The following SRPK2 variants were observed in gnomAD, a reference collection of about 807,000 sequenced individuals.
The protein encoded by SRPK2 is SRSF protein kinase 2, also known as SFRS protein kinase 2.
Under a neutral mutation model 90.8 loss-of-function variants are expected in SRPK2, and 21 were observed. The observed-to-expected ratio is 0.23, with a 90% CI of 0.16 to 0.33. SRPK2 has a LOEUF of 0.33. SRPK2 is among the 10% of genes least tolerant of loss of function. SRPK2 has a pLI of 1.00. For synonymous variants in SRPK2, 288 were observed against 311.1 expected (o/e 0.93, Z 0.78); for missense variants, 620 against 869.0 (o/e 0.71, Z 3.60).
chr7:105,134,669 A>G (rs1362007751), intron 11 of SRPK2, among the ~76,000 whole-genome samples: 1 of 152,200 alleles, frequency 6.6e-6, no homozygotes, highest in African/African-American at 2.4e-5. Flanking sequence ...AAGCCCCATA[A>G]GAGGAAGGAG....
chr7:105,389,344 T>G, upstream of SRPK2: 1 of 1,277,828 alleles, frequency 7.8e-7, no homozygotes, highest in South Asian at 1.3e-5. Flanking sequence ...TCTCTCCCTT[T>G]GCTCCTCTAC....
chr7:105,235,543 A>G (rs1192109721), intron 2 of SRPK2, among the ~76,000 whole-genome samples: 1 of 152,172 alleles, frequency 6.6e-6, no homozygotes, highest in Non-Finnish European at 1.5e-5. Flanking sequence ...CAAGTCAAAA[A>G]TAACTACTCA....
rs144171851 is a variant in SRPK2, at chr7:105,212,053, T to C, written c.72-8268A>G. Among the ~76,000 whole-genome samples the C allele has an allele frequency of 3.5e-3, 526 of 152,344 alleles. 8 individuals are homozygous for C. Among genetic ancestry groups the C allele is most frequent in the African/African-American group, 0.011 (461 of 41,584 alleles). ...TTTCTTGCTTTTATCCTTCCCATTT[T>C]ACACATTAATTCCATATATTCTTTG... On this transcript the variant is annotated intron_variant, in intron 2 of 15. Transcript: ENST00000393651.
At chr7:105,190,787 T>C (rs938941298) in intron 3 of SRPK2, among the ~76,000 whole-genome samples, 2 of 152,244 alleles carry the variant, frequency 1.3e-5, no homozygotes, top group African/African-American at 4.8e-5. Flanking sequence ...TTGCTGATAC[T>C]TCTGATTCTC....
intron 3 of SRPK2, among the ~76,000 whole-genome samples, chr7:105,172,747 T>C (rs893363936): frequency 6.6e-6 from 1 of 152,198 alleles, no homozygotes; most frequent in Non-Finnish European, 1.5e-5. Flanking sequence ...TTTTAATAAC[T>C]AGAGGACTGC....
intron 2 of SRPK2, among the ~76,000 whole-genome samples, chr7:105,270,574 A>AT (rs1480247868): frequency 6.6e-6 from 1 of 151,750 alleles, no homozygotes; most frequent in Non-Finnish European, 1.5e-5. Context: ...TACCCAGCTA[A>AT]TTTTTTGTCT....
intron 2 of SRPK2, among the ~76,000 whole-genome samples, chr7:105,212,443 A>G (rs968750409): frequency 1.3e-5 from 2 of 152,212 alleles, no homozygotes; most frequent in African/African-American, 4.8e-5. Flanking sequence ...GACTGGCCAG[A>G]ATGAGGCTGA....
chr7:105,379,903 G>A (rs1223676790), intron 2 of SRPK2, among the ~76,000 whole-genome samples: 2 of 152,066 alleles, frequency 1.3e-5, no homozygotes, highest in Admixed American at 1.3e-4. Context: ...GCTTGAATCG[G>A]GGAAGCGGAG....
At chr7:105,186,807 AACTCT>A (rs773872437) in intron 3 of SRPK2, among the ~76,000 whole-genome samples, 3 of 152,186 alleles carry the variant, frequency 2.0e-5, no homozygotes, top group Admixed American at 6.5e-5. Flanking sequence ...TACCTTTGGG[AACTCT>A]AAGTTGCCAG....
chr7:105,203,518 A>C, intron 3 of SRPK2, 110 bp downstream of exon 3: 1 of 1,253,616 alleles, frequency 8.0e-7, no homozygotes, highest in Non-Finnish European at 1.1e-6. Context: ...AATTTAATGA[A>C]GACCAAGCAA....
At chr7:105,205,009 G>C in intron 2 of SRPK2, 1 of 251,808 alleles carries the variant, frequency 4.0e-6, no homozygotes, top group East Asian at 1.2e-4. Flanking sequence ...TCACTCTTCA[G>C]CCCTGGAATC....
Position 105,370,648 on chromosome 7 carries a change from C to T in SRPK2, c.71+18000G>A, listed in dbSNP as rs1270749114. Among the ~76,000 whole-genome samples, 6 of 142,344 alleles carry T rather than the reference C, an allele frequency of 4.2e-5. No homozygotes were observed. In the Admixed American group the frequency reaches 4.4e-4, roughly 10 times the overall value. The allele number at this position is 142,344 out of a possible 152,430, so 93.4% of individuals were successfully genotyped here. A position where few individuals can be genotyped will look rare whatever the true frequency, so the allele number is the denominator to read the frequency against. ...TTTTTTTTTTTGAGACAGACTCTCG[C>T]TCTGCACCCCAGGCTGGAGTGCAGT... On this transcript the variant is annotated intron_variant, in intron 2 of 15. Transcript: ENST00000393651.
At chr7:105,220,080 A>G (rs980188481) in intron 2 of SRPK2, among the ~76,000 whole-genome samples, 3 of 152,266 alleles carry the variant, frequency 2.0e-5, no homozygotes, top group African/African-American at 7.2e-5. Context: ...ATCATAAAAA[A>G]TGAAATACGG....
At chr7:105,125,321 T>G (rs1349138276) in intron 15 of SRPK2, among the ~76,000 whole-genome samples, 1 of 152,020 alleles carries the variant, frequency 6.6e-6, no homozygotes, top group South Asian at 2.1e-4. Context: ...AATGGGAATG[T>G]AGGATGTCAT....
At chr7:105,325,591 C>T (rs1349939199) in intron 2 of SRPK2, among the ~76,000 whole-genome samples, 1 of 146,496 alleles carries the variant, frequency 6.8e-6, no homozygotes, top group Non-Finnish European at 1.5e-5. Flanking sequence ...GATACAGTGG[C>T]TCACACCTGT....
Position 105,167,972 on chromosome 7 carries a change from G to A in SRPK2, c.426+36C>T, listed in dbSNP as rs746647980. 5 of 1,496,580 alleles carry A rather than the reference G, an allele frequency of 3.3e-6. No individual in the cohort carries two copies. The African/African-American group carries it at 4.2e-5, about 13-fold the overall frequency. The allele number at this position is 1,496,580 out of a possible 1,614,324, so 92.7% of individuals were successfully genotyped here. On this transcript the variant is annotated intron_variant, in intron 5 of 15. Coordinates refer to ENST00000393651, the MANE Select transcript of SRPK2 (RefSeq NM_182692.3). ...TTTCTGTAAAATTTTAAGTCATTAAGTTTTCTTATATCATTCACATTTTTA... is the reference window on the plus strand; with the variant it reads ...TTTCTGTAAAATTTTAAGTCATTAAATTTTCTTATATCATTCACATTTTTA...
At chr7:105,300,198 A>G (rs2131230653) in intron 2 of SRPK2, among the ~76,000 whole-genome samples, 1 of 149,180 alleles carries the variant, frequency 6.7e-6, no homozygotes, top group East Asian at 2.0e-4. Context: ...GGCTACAGTG[A>G]GCCAAGATCA....
At chr7:105,329,413 A>C (rs1814004675) in intron 2 of SRPK2, among the ~76,000 whole-genome samples, 1 of 152,074 alleles carries the variant, frequency 6.6e-6, no homozygotes, top group Non-Finnish European at 1.5e-5. Context: ...GAGCAGGGAA[A>C]ACTAAGAATG....
At chr7:105,388,733 G>T (rs1381482473) in intron 1 of SRPK2, 31 bp from the exon 2 acceptor site, 1 of 1,559,654 alleles carries the variant, frequency 6.4e-7, no homozygotes, top group Non-Finnish European at 8.7e-7. Context: ...ATTAACGGTC[G>T]GGCCGCCCGC....
Sources: allele counts gnomAD v4.1 joint callset (sites outside exome capture counted in the v4.1 genomes callset), GRCh38; gene constraint gnomAD v4.1.1; transcripts MANE v1.5; gene names NCBI Gene and HGNC (gene_info 2026-07-23, HGNC 2026-07-21).